The following PCDHGB1 variants were observed in gnomAD, a reference collection of about 807,000 sequenced individuals.
PCDHGB1 encodes protocadherin gamma subfamily B, 1, also known as protocadherin gamma-B1.
In PCDHGB1, 34 loss-of-function variants were observed where a neutral mutation model predicts 56.6. The observed-to-expected ratio is 0.60, with a 90% CI of 0.46 to 0.80. The LOEUF is 0.80. Among genes scored for constraint, PCDHGB1 ranks in the 30% least tolerant of loss-of-function variants. The probability of loss-of-function intolerance (pLI) is 0.00; values close to 1 mark genes in which losing one functional copy is unlikely to be tolerated. For synonymous variants in PCDHGB1, 561 were observed against 505.9 expected, an observed-to-expected ratio of 1.11 and a Z score of -1.46; for missense variants, 1,278 against 1,204.6, an observed-to-expected ratio of 1.06 and a Z score of -0.90.
At chr5:141,409,808 G>C in intron 1 of PCDHGB1, 2 of 1,611,624 alleles carry the variant, frequency 1.2e-6, no homozygotes, top group East Asian at 2.2e-5. Context: ...GCAGGCCCGC[G>C]ACCACGGCTC....
chr5:141,366,705 T>C, intron 1 of PCDHGB1: 2 of 1,614,234 alleles, frequency 1.2e-6, no homozygotes, highest in East Asian at 2.2e-5. Context: ...GAGCCTCTTC[T>C]GATGTCTGAT....
chr5:141,375,784 C>A (rs562973702), intron 1 of PCDHGB1: 7 of 1,614,254 alleles, frequency 4.3e-6, no homozygotes, highest in Non-Finnish European at 5.1e-6. Flanking sequence ...ACCCCGCCCT[C>A]CCCACAGACG....
intron 1 of PCDHGB1, among the ~76,000 whole-genome samples, chr5:141,435,099 TA>T (rs892317840): frequency 2.0e-5 from 3 of 152,260 alleles, no homozygotes; most frequent in African/African-American, 7.2e-5. Context: ...TCTGTTTATC[TA>T]GGGGGGAGAA....
chr5:141,497,104 T>C (rs757158984), intron 2 of PCDHGB1, among the ~76,000 whole-genome samples: 44 of 151,910 alleles, frequency 2.9e-4, no homozygotes, highest in Non-Finnish European at 5.9e-4. Context: ...CAGAACTGCT[T>C]GAACCCGGAA....
chr5:141,361,669 G>A (rs536902009), intron 1 of PCDHGB1: 14 of 1,613,690 alleles, frequency 8.7e-6, no homozygotes, highest in Non-Finnish European at 1.2e-5. Flanking sequence ...CGCGCAGAGC[G>A]GGGTGGTGTT....
chr5:141,466,121 C>CA (rs908379481), intron 1 of PCDHGB1, among the ~76,000 whole-genome samples: 24 of 146,876 alleles, frequency 1.6e-4, no homozygotes, highest in East Asian at 8.0e-4. Context: ...GACTCCAGCT[C>CA]AAAAAAAAAA....
intron 1 of PCDHGB1, chr5:141,357,818 C>G: frequency 4.2e-6 from 3 of 707,928 alleles, no homozygotes; most frequent in Non-Finnish European, 6.8e-6. Flanking sequence ...ATTACTTATC[C>G]TTTTTGGTCT....
intron 1 of PCDHGB1, chr5:141,382,748 C>T (rs753044238): frequency 2.3e-5 from 14 of 606,870 alleles, no homozygotes; most frequent in Non-Finnish European, 3.6e-5. Context: ...CGACAGATTG[C>T]GATAAGCCCT....
At chr5:141,393,707 T>TG in intron 1 of PCDHGB1, 2 of 1,613,882 alleles carry the variant, frequency 1.2e-6, no homozygotes, top group South Asian at 2.2e-5. Context: ...ATGAAAATAC[T>TG]GGGGAAATAT....
Position 141,494,864 on chromosome 5 carries a change from G to T in PCDHGB1, c.2467G>T (p.Gly823Cys), listed in dbSNP as rs773899530. 12 of 1,613,950 alleles carry T rather than the reference G, an allele frequency of 7.4e-6. No individual in the cohort carries two copies. Among genetic ancestry groups the T allele is most frequent in the South Asian group, 1.1e-5 (1 of 91,080 alleles). ...TCAGGCCCAGAGACCCGGCACCAGC[G>T]GGTAGGTGACTGATTCTCCAGCCCA... Reference protein sequence around the residue: ...FSQAQRPGTSGSQNGDDTGTW... With the variant: ...FSQAQRPGTSCSQNGDDTGTW... Residue 823 changes from glycine to cysteine, a missense_variant and splice_region_variant, in exon 2 of 4, where the codon GGC becomes TGC. Physicochemically the swap from Gly to Cys is radical, Grantham distance 159 (BLOSUM62 -3). Coordinates refer to ENST00000523390, the MANE Select transcript of PCDHGB1 (RefSeq NM_018922.3).
chr5:141,350,327 T>C lies in PCDHGB1; in HGVS notation c.67T>C (p.Phe23Leu), dbSNP rs1172233869. 1 of 1,534,712 alleles carries C rather than the reference T, an allele frequency of 6.5e-7. No individual in the cohort carries two copies. The highest frequency in any genetic ancestry group is 8.7e-7 in the Non-Finnish European group (1 of 1,143,044). ...ACTGTTTCCCTTCCTGCTGTCTTTGTTCTGCGGGGCCATCTCCCAGCAGAT... is the reference window on the plus strand; with the variant it reads ...ACTGTTTCCCTTCCTGCTGTCTTTGCTCTGCGGGGCCATCTCCCAGCAGAT... ...QVLFPFLLSL[F>L]CGAISQQIRY... Residue 23 changes from phenylalanine (F) to leucine (L), a missense_variant, in exon 1 of 4, where the codon TTC (phenylalanine) becomes CTC (leucine). Phe to Leu is a conservative substitution (Grantham distance 22). Transcript: ENST00000523390.
In PCDHGB1 at chr5:141,431,561, G is replaced by T; in HGVS notation, c.2410-63246G>T. The T allele has an allele frequency of 6.2e-7, 1 of 1,614,146 alleles. No homozygotes were observed. On this transcript the variant is annotated intron_variant, in intron 1 of 3. Transcript: ENST00000523390. This position sits in a 1 kb window ranked among gnomAD's most constrained non-coding sequence, Gnocchi z 4.8. Reference sequence around the variant, plus strand: ...GCAGCTGCTTGTAGTCAACGCTACCGACCCTGACGAAGGAGTCAATGCGGA... The same window carrying T: ...GCAGCTGCTTGTAGTCAACGCTACCTACCCTGACGAAGGAGTCAATGCGGA...
intron 1 of PCDHGB1, among the ~76,000 whole-genome samples, chr5:141,492,165 C>T (rs932762928): frequency 1.4e-4 from 22 of 152,210 alleles, no homozygotes; most frequent in African/African-American, 4.8e-4. Context: ...TCCCTATCCC[C>T]GCATCACCCA....
At chr5:141,409,357 T>C (rs754237134) in intron 1 of PCDHGB1, 4 of 1,613,968 alleles carry the variant, frequency 2.5e-6, no homozygotes, top group Non-Finnish European at 2.5e-6. Flanking sequence ...TCAGGTGTAA[T>C]ATAGAAACAG....
At chr5:141,364,036 G>A (rs868127549) in intron 1 of PCDHGB1, among the ~76,000 whole-genome samples, 16 of 152,152 alleles carry the variant, frequency 1.1e-4, no homozygotes, top group African/African-American at 2.9e-4. Context: ...TAAGGATATG[G>A]CAACATTATT....
At chr5:141,383,112 G>C (rs1167934535) in intron 1 of PCDHGB1, 5 of 1,613,924 alleles carry the variant, frequency 3.1e-6, no homozygotes, top group Non-Finnish European at 4.2e-6. Context: ...CCAGAGGTAG[G>C]ACGCAGCTTT....
intron 1 of PCDHGB1, among the ~76,000 whole-genome samples, chr5:141,471,046 CT>C (rs1170588345): frequency 0.24 from 27,253 of 113,216 alleles, 2,739 homozygotes; most frequent in African/African-American, 0.39. Context: ...CCCAAGCCCT[CT>C]TTTTTTTTTT....
At chr5:141,355,138 G>A (rs1759726918) in intron 1 of PCDHGB1, 1 of 1,524,966 alleles carries the variant, frequency 6.6e-7, no homozygotes. Context: ...AGAAGATCCT[G>A]GGGCTCCTCA....
At chr5:141,371,459 T>C in intron 1 of PCDHGB1, 1 of 1,613,970 alleles carries the variant, frequency 6.2e-7, no homozygotes, top group Non-Finnish European at 8.5e-7. Context: ...AATCCCAACA[T>C]ATACAAGAAG....
Sources: allele counts gnomAD v4.1 joint callset (sites outside exome capture counted in the v4.1 genomes callset), GRCh38; gene constraint gnomAD v4.1.1; non-coding constraint Gnocchi (gnomAD v3.1); transcripts MANE v1.5; gene names NCBI Gene and HGNC (gene_info 2026-07-23, HGNC 2026-07-21).